GGA2: variants seen among roughly 807,000 people sequenced by gnomAD.
GGA2 encodes ADP-ribosylation factor-binding protein GGA2.
GGA2 carries 48 observed loss-of-function variants against 79.5 expected under a neutral mutation model. The observed-to-expected ratio is 0.60, with a 90% CI of 0.48 to 0.77. GGA2 has a LOEUF of 0.77. GGA2 is among the 30% of genes least tolerant of loss of function. GGA2 has a pLI of 0.00. For synonymous variants in GGA2, 317 were observed against 302.0 expected (o/e 1.05, Z -0.51); for missense variants, 770 against 774.0 (o/e 0.99, Z 0.06).
intron 8 of GGA2, among the ~76,000 whole-genome samples, chr16:23,484,907 G>C (rs780012291): frequency 6.4e-4 from 97 of 152,142 alleles, no homozygotes; most frequent in Non-Finnish European, 1.8e-4. Flanking sequence ...TAAAAACTTG[G>C]ACAAAGTTCA....
intron 15 of GGA2, chr16:23,469,730 G>A (rs993059915): frequency 4.0e-6 from 1 of 248,998 alleles, no homozygotes; most frequent in African/African-American, 2.2e-5. Flanking sequence ...CCTGTTTGTG[G>A]AGAAACTGTC....
chr16:23,492,094 T>C (rs1964796187), intron 4 of GGA2, among the ~76,000 whole-genome samples: 1 of 152,202 alleles, frequency 6.6e-6, no homozygotes, highest in African/African-American at 2.4e-5. Context: ...AATATAATAA[T>C]AAAATTTGGT....
chr16:23,470,825 CTTTTTTTTTTTT>C lies in GGA2; in HGVS notation c.1451-672_1451-661del, dbSNP rs36067397. Among the ~76,000 whole-genome samples, 27 of 56,146 alleles carry C rather than the reference CTTTTTTTTTTTT, an allele frequency of 4.8e-4. 1 individual carries two copies. In the South Asian group the frequency reaches 7.5e-3, roughly 15 times the overall value. The allele number at this position is 56,146 out of a possible 152,430, so 36.8% of individuals were successfully genotyped here. ...TTATCATTAAAAAATGAAATAAATG[CTTTTTTTTTTTT>C]TTTTTTTTTTGGACAGACTTTCGCT... On this transcript the variant is annotated intron_variant, in intron 14 of 16. Coordinates refer to ENST00000309859, the MANE Select transcript of GGA2 (RefSeq NM_015044.4).
At chr16:23,512,698 ATCT>A (rs372422574), upstream of GGA2, among the ~76,000 whole-genome samples, 4 of 137,278 alleles carry the variant, frequency 2.9e-5, no homozygotes, top group Non-Finnish European at 4.6e-5. Context: ...GTTAAAGAAA[ATCT>A]TTTTTTTTTT....
At chr16:23,498,148 C>T (rs930140159) in intron 1 of GGA2, among the ~76,000 whole-genome samples, 8 of 151,826 alleles carry the variant, frequency 5.3e-5, no homozygotes, top group African/African-American at 1.7e-4. Context: ...GGCGTGGCAG[C>T]GTGCATCTAT....
chr16:23,490,087 G>A (rs763976857), intron 5 of GGA2, among the ~76,000 whole-genome samples: 1 of 152,146 alleles, frequency 6.6e-6, no homozygotes, highest in East Asian at 1.9e-4. Context: ...CTACTGCTAC[G>A]AGTGGCAAGA....
intron 1 of GGA2, among the ~76,000 whole-genome samples, chr16:23,509,797 A>C: frequency 6.6e-6 from 1 of 150,842 alleles, no homozygotes; most frequent in African/African-American, 2.4e-5. Flanking sequence ...TTTAAAAAAA[A>C]AAGTCTGGCC....
chr16:23,475,208 G>C (rs1470824419), intron 13 of GGA2, 147 bp from the exon 14 acceptor site: 1 of 368,528 alleles, frequency 2.7e-6, no homozygotes, highest in African/African-American at 4.3e-5. Context: ...TTTTTTTTTT[G>C]ATACAGTATC....
chr16:23,500,491 G>C (rs1201632841), intron 1 of GGA2, among the ~76,000 whole-genome samples: 3 of 152,314 alleles, frequency 2.0e-5, no homozygotes, highest in Non-Finnish European at 4.4e-5. Flanking sequence ...ACAGCAGATG[G>C]AACACGCTGT....
upstream of GGA2, among the ~76,000 whole-genome samples, chr16:23,514,804 G>T (rs527770947): frequency 6.6e-6 from 1 of 152,172 alleles, no homozygotes; most frequent in South Asian, 2.1e-4. Flanking sequence ...AAAGATGTAA[G>T]GTATAGATGT....
At chr16:23,513,767 GAATGAGACTCTGTCTCAAAAAA>G (rs1965087222), upstream of GGA2, among the ~76,000 whole-genome samples, 1 of 125,438 alleles carries the variant, frequency 8.0e-6, no homozygotes, top group African/African-American at 3.1e-5. Flanking sequence ...CCTGGGCACG[GAATGAGACTCTGTCTCAAAAAA>G]AAAAAAAAAA....
chr16:23,483,474 C>A (rs1964674369), intron 8 of GGA2, among the ~76,000 whole-genome samples: 1 of 152,100 alleles, frequency 6.6e-6, no homozygotes, highest in South Asian at 2.1e-4. Context: ...AAAGAAGTTA[C>A]GTGGAGGCTG....
At chr16:23,483,073 GGAGCCTTC>G in intron 8 of GGA2, 69 bp from the exon 9 acceptor site, 1 of 979,480 alleles carries the variant, frequency 1.0e-6, no homozygotes, top group Non-Finnish European at 1.6e-6. Context: ...CAGGGCCCCA[GGAGCCTTC>G]GATCAGGCAG....
chr16:23,469,890 T>G, intron 15 of GGA2, 106 bp downstream of exon 15: 1 of 807,900 alleles, frequency 1.2e-6, no homozygotes, highest in Non-Finnish European at 1.9e-6. Flanking sequence ...CTTCAGTTAG[T>G]TTGAGTGAAG....
intron 2 of GGA2, among the ~76,000 whole-genome samples, chr16:23,516,727 A>G (rs1242248546): frequency 6.6e-6 from 1 of 151,752 alleles, no homozygotes; most frequent in Admixed American, 6.6e-5. Context: ...GGACACGCAG[A>G]CTCCCTTCAT....
At chr16:23,494,200 C>T (rs140054201) in intron 3 of GGA2, 103 bp downstream of exon 3, 11,619 of 804,990 alleles carry the variant, frequency 0.014, 122 homozygotes, top group Non-Finnish European at 0.019. Context: ...CTCAGGGGAC[C>T]TCCCTTCTCC....
At chr16:23,491,547 A>T (rs576378234) in intron 5 of GGA2, 130 bp downstream of exon 5, 1 of 575,610 alleles carries the variant, frequency 1.7e-6, no homozygotes. Flanking sequence ...AAAAAAAAAA[A>T]ACTCTACCTC....
At chr16:23,514,321 T>C (rs1255696512), upstream of GGA2, among the ~76,000 whole-genome samples, 2 of 152,150 alleles carry the variant, frequency 1.3e-5, no homozygotes, top group African/African-American at 2.4e-5. Flanking sequence ...TTGGCCAAGC[T>C]GGTCTTGAAC....
At chr16:23,479,159 C>A in intron 11 of GGA2, 1 of 566,594 alleles carries the variant, frequency 1.8e-6, no homozygotes, top group Non-Finnish European at 3.2e-6. Flanking sequence ...GCTCACTCTC[C>A]TACTCACAAC....
Sources: gnomAD v4.1 joint callset for allele counts (sites outside exome capture counted in the v4.1 genomes callset) on GRCh38, gnomAD v4.1.1 for gene constraint, MANE v1.5 for transcripts, NCBI Gene and HGNC (gene_info 2026-07-23, HGNC 2026-07-21) for gene names.